Variants in SLC38A8 observed in about 807,000 individuals in gnomAD.
SLC38A8 encodes amino acid transporter SLC38A8.
A neutral mutation model predicts 46.0 loss-of-function variants in SLC38A8; 65 were observed. That is an observed-to-expected ratio of 1.41 (90% CI 1.16 to 1.74). The LOEUF (loss-of-function observed/expected upper bound fraction) is 1.74. Among genes scored for constraint, SLC38A8 ranks in the 40% most tolerant of loss-of-function variants. The pLI is 0.00. For synonymous variants in SLC38A8, 447 were observed against 243.7 expected (o/e 1.83, Z -7.77); for missense variants, 998 against 567.9 (o/e 1.76, Z -7.70).
intron 6 of SLC38A8, among the ~76,000 whole-genome samples, chr16:84,025,153 C>T (rs1018386764): frequency 4.0e-5 from 4 of 100,862 alleles, no homozygotes. Flanking sequence ...ACACACCGGG[C>T]GGGGATGCTT....
Position 84,017,144 on chromosome 16 carries a change from C to T in SLC38A8, c.949G>A (p.Gly317Arg). ...VTVYPIVLFL[G>R]RSVMQDFWRR... The stretch of plus-strand genomic sequence containing the variant: ...CCCCACTGAGCCAGGCCTCACCTCC[C>T]CAGGAAGAGCACGATGGGGTAGACA... Residue 317 changes from glycine (G) to arginine (R), a missense_variant, in exon 8 of 11, where the codon GGG becomes AGG. Coordinates refer to ENST00000299709, the MANE Select transcript of SLC38A8 (RefSeq NM_001080442.3). 6.2e-7 allele frequency: 1 copy of T among 1,614,052 alleles called. No homozygotes were observed. Among genetic ancestry groups the T allele is most frequent in the Non-Finnish European group, 8.5e-7 (1 of 1,179,996 alleles).
chr16:84,024,820 G>C (rs980331255), intron 6 of SLC38A8, among the ~76,000 whole-genome samples: 2 of 152,102 alleles, frequency 1.3e-5, no homozygotes, highest in Non-Finnish European at 2.9e-5. Flanking sequence ...CTTCCGAGTA[G>C]CTGGGATTAC....
At chr16:84,036,987 A>C in intron 2 of SLC38A8, 87 bp from the exon 3 acceptor site, 3 of 1,319,790 alleles carry the variant, frequency 2.3e-6, no homozygotes, top group Non-Finnish European at 2.1e-6. Context: ...CACTCTCCAC[A>C]TGGCTTCTCA....
Position 84,029,472 on chromosome 16 carries a change from G to A in SLC38A8, c.690+22C>T, listed in dbSNP as rs534465194. 1.4e-4 allele frequency: 219 copies of A among 1,613,560 alleles called. 2 individuals are homozygous for A. The South Asian group carries it at 2.3e-3, about 17-fold the overall frequency. ...ACAGCCTCTGCAAACGCCACAGGCTGCAACACAGATGCTAAAATTACCTGA... is the reference window on the plus strand; with the variant it reads ...ACAGCCTCTGCAAACGCCACAGGCTACAACACAGATGCTAAAATTACCTGA... On this transcript the variant is annotated intron_variant, in intron 6 of 10. Transcript: ENST00000299709.
At chr16:84,011,716 G>A (rs556811923) in intron 10 of SLC38A8, among the ~76,000 whole-genome samples, 1 of 152,246 alleles carries the variant, frequency 6.6e-6, no homozygotes, top group South Asian at 2.1e-4. Context: ...CTGATGGTAG[G>A]TATCCTTATA....
chr16:84,026,357 G>T (rs1288386180), intron 6 of SLC38A8, among the ~76,000 whole-genome samples: 1 of 152,324 alleles, frequency 6.6e-6, no homozygotes, highest in African/African-American at 2.4e-5. Context: ...CTCCCAAGTA[G>T]CTGGGATTAC....
At chr16:84,024,034 C>G (rs1473885129) in intron 6 of SLC38A8, among the ~76,000 whole-genome samples, 1 of 152,216 alleles carries the variant, frequency 6.6e-6, no homozygotes, top group Non-Finnish European at 1.5e-5. Context: ...TGGCAGCCGC[C>G]CTGTGTGTTT....
In SLC38A8 at chr16:84,022,718, C is replaced by T. The variant is rs542214010; in HGVS notation, c.805+57G>A. ...CTCTCTAGAGAGATACTCGCTGTTA[C>T]TCTTGTTTCTACTGTCACTCCCCAC... On this transcript the variant is annotated intron_variant, in intron 7 of 10. Transcript: ENST00000299709. 544 of 1,255,364 alleles carry T rather than the reference C, an allele frequency of 4.3e-4. 2 individuals carry two copies. The African/African-American group carries it at 7.0e-3, about 16-fold the overall frequency. 77.8% of individuals were successfully genotyped at this position (1,255,364 alleles called of 1,614,324 possible). A position where few individuals can be genotyped will look rare whatever the true frequency, so the allele number is the denominator to read the frequency against.
chr16:84,026,228 G>GGGTTT (rs1555554225), intron 6 of SLC38A8, among the ~76,000 whole-genome samples: 1 of 151,894 alleles, frequency 6.6e-6, no homozygotes, highest in Non-Finnish European at 1.5e-5. Flanking sequence ...GTTTCTACTG[G>GGGTTT]TGTTTTGTTT....
At chr16:84,034,988 T>C (rs1567702522) in intron 3 of SLC38A8, among the ~76,000 whole-genome samples, 1 of 152,120 alleles carries the variant, frequency 6.6e-6, no homozygotes, top group Non-Finnish European at 1.5e-5. Flanking sequence ...CCAACCTCTA[T>C]CTAGCACTCC....
At position 84,031,949 on chromosome 16, in the gene SLC38A8, C is replaced by G. The variant is rs776569507; in HGVS notation, c.550G>C (p.Ala184Pro). ...KYTSILGTLA[A>P]CYLALVITVQ... ...GTGATGACCAGGGCCAGGTAACAGG[C>G]AGCCAGAGTGCCTAGGATGCTAACA... Residue 184 changes from alanine to proline, a missense_variant, in exon 5 of 11, where the codon GCC becomes CCC. By Grantham distance (27) the Ala-to-Pro change is conservative (BLOSUM62 -1). Coordinates refer to ENST00000299709, the MANE Select transcript of SLC38A8 (RefSeq NM_001080442.3). 1 of 1,614,206 alleles carries G rather than the reference C, an allele frequency of 6.2e-7. No individual in the cohort carries two copies. Among genetic ancestry groups the G allele is most frequent in the Admixed American group, 1.7e-5 (1 of 60,020 alleles).
intron 3 of SLC38A8, among the ~76,000 whole-genome samples, chr16:84,033,769 C>G (rs542889551): frequency 6.6e-6 from 1 of 152,312 alleles, no homozygotes; most frequent in Non-Finnish European, 1.5e-5. Flanking sequence ...CCCTTACATT[C>G]TGGTGAAAGA....
chr16:84,026,925 A>G (rs2085171400), intron 6 of SLC38A8, among the ~76,000 whole-genome samples: 1 of 152,198 alleles, frequency 6.6e-6, no homozygotes, highest in African/African-American at 2.4e-5. Context: ...TTCGAGGGGC[A>G]ACAGAAAGGT....
intron 6 of SLC38A8, among the ~76,000 whole-genome samples, chr16:84,026,770 G>T (rs1211552559): frequency 6.6e-6 from 1 of 152,220 alleles, no homozygotes; most frequent in Non-Finnish European, 1.5e-5. Context: ...CACCAACACG[G>T]CGGGGGAGGG....
chr16:84,040,830 T>A (rs1447708443), intron 2 of SLC38A8, among the ~76,000 whole-genome samples: 1 of 152,088 alleles, frequency 6.6e-6, no homozygotes, highest in Non-Finnish European at 1.5e-5. Context: ...ATGACATGCA[T>A]CTTGTCTGAC....
chr16:84,036,496 C>G (rs1261642420), intron 3 of SLC38A8, among the ~76,000 whole-genome samples: 1 of 152,274 alleles, frequency 6.6e-6, no homozygotes, highest in African/African-American at 2.4e-5. Context: ...CTCTCATGCA[C>G]TTGTGTGCCC....
rs776628412 is a variant in SLC38A8, at chr16:84,022,770, C to G, written c.805+5G>C. 1.4e-5 allele frequency: 23 copies of G among 1,613,406 alleles called. No individual in the cohort carries two copies. The Admixed American group carries it at 3.0e-4, about 21-fold the overall frequency. ...CTCTGCAGGGGTGCCTGGGAAGGGC[C>G]TTACCCGTCAGTGAATAGATGAGGC... On this transcript the variant is annotated splice_donor_5th_base_variant and intron_variant, in intron 7 of 10. Transcript: ENST00000299709.
upstream of SLC38A8, among the ~76,000 whole-genome samples, chr16:84,042,870 C>G (rs1006720614): frequency 2.1e-5 from 3 of 144,248 alleles, no homozygotes; most frequent in Admixed American, 6.8e-5. Context: ...CAGGCCCGGC[C>G]CCGGGGGTGG....
chr16:84,023,997 G>A lies in SLC38A8; in HGVS notation c.691-1108C>T, dbSNP rs186190516. The stretch of plus-strand genomic sequence containing the variant: ...CACCAGGGTTTCTCAGCCTTGACAC[G>A]ATTGATGTCTGGTGTGGGTTAACTC... On this transcript the variant is annotated intron_variant, in intron 6 of 10. Coordinates refer to ENST00000299709, the MANE Select transcript of SLC38A8 (RefSeq NM_001080442.3). 5.9e-4 allele frequency among the ~76,000 whole-genome samples: 90 copies of A among 152,336 alleles called. 1 individual carries two copies. The South Asian group carries it at 0.012, about 21-fold the overall frequency.
Sources: allele counts gnomAD v4.1 joint callset (sites outside exome capture counted in the v4.1 genomes callset), GRCh38; gene constraint gnomAD v4.1.1; transcripts MANE v1.5; gene names NCBI Gene and HGNC (gene_info 2026-07-23, HGNC 2026-07-21).